FOLH1: variants seen among roughly 807,000 people sequenced by gnomAD.
FOLH1 encodes the protein glutamate carboxypeptidase 2.
Under a neutral mutation model 93.9 loss-of-function variants are expected in FOLH1, and 54 were observed. That is an observed-to-expected ratio of 0.57 (90% confidence interval 0.46 to 0.72). The LOEUF (loss-of-function observed/expected upper bound fraction) is 0.72. FOLH1 is among the 30% of genes least tolerant of loss of function. The probability of loss-of-function intolerance (pLI) is 0.00; values close to 1 mark genes in which losing one functional copy is unlikely to be tolerated. For synonymous variants in FOLH1, 249 were observed against 303.6 expected (o/e 0.82, Z 1.87); for missense variants, 571 against 892.5 (o/e 0.64, Z 4.59).
chr11:49,167,290 C>A (rs1476811788), intron 12 of FOLH1, among the ~76,000 whole-genome samples: 1 of 152,022 alleles, frequency 6.6e-6, no homozygotes, highest in Admixed American at 6.6e-5. Flanking sequence ...CTTACAGGAG[C>A]CTTTGAGATA....
intron 6 of FOLH1, among the ~76,000 whole-genome samples, chr11:49,184,356 AC>A (rs1861135503): frequency 6.6e-6 from 1 of 152,180 alleles, no homozygotes; most frequent in African/African-American, 2.4e-5. Context: ...AATTCAATAA[AC>A]ATTAGCCCCA....
chr11:49,195,158 T>C (rs1321278017), intron 3 of FOLH1, among the ~76,000 whole-genome samples: 1 of 152,220 alleles, frequency 6.6e-6, no homozygotes. Context: ...TGAGCACATA[T>C]TAGGTTCCAA....
chr11:49,200,241 T>C lies in FOLH1; in HGVS notation c.411+14A>G. On this transcript the variant is annotated intron_variant, in intron 3 of 18. Coordinates refer to ENST00000256999, the MANE Select transcript of FOLH1 (RefSeq NM_004476.3). Reference sequence around the variant, plus strand: ...GGGGGGAATGTTTCTTTTATTTATTTATTTATTTTTTACCTCATTTCCATC... The same window carrying C: ...GGGGGGAATGTTTCTTTTATTTATTCATTTATTTTTTACCTCATTTCCATC... The C allele has an allele frequency of 2.0e-6, 3 of 1,487,922 alleles. No individual in the cohort carries two copies. Among genetic ancestry groups the C allele is most frequent in the Non-Finnish European group, 2.7e-6 (3 of 1,113,742 alleles). The allele number at this position is 1,487,922 out of a possible 1,614,324, so 92.2% of individuals were successfully genotyped here.
rs1471370973 is a variant in FOLH1 at position 49,146,328 on chromosome 11, C to T, written c.*428G>A. ...CCAAATAGTGTGCTGAGATAGTGATCCTCTCAGCCCAGGCTGGCCAGGTAG... is the reference window on the plus strand; with the variant it reads ...CCAAATAGTGTGCTGAGATAGTGATTCTCTCAGCCCAGGCTGGCCAGGTAG... On this transcript the variant is annotated 3_prime_UTR_variant, in exon 19 of 19. Coordinates refer to ENST00000256999, the MANE Select transcript of FOLH1 (RefSeq NM_004476.3). 6.6e-6 allele frequency among the ~76,000 whole-genome samples: 1 copy of T among 152,124 alleles called. No individual in the cohort carries two copies. The highest frequency in any genetic ancestry group is 1.5e-5 in the Non-Finnish European group (1 of 68,014).
intron 3 of FOLH1, among the ~76,000 whole-genome samples, chr11:49,196,669 C>T (rs189430919): frequency 4.8e-4 from 73 of 152,206 alleles, no homozygotes; most frequent in African/African-American, 1.6e-3. Flanking sequence ...ATCGCATGCT[C>T]ATCTTAAAGA....
At chr11:49,195,310 T>G (rs187739544) in intron 3 of FOLH1, among the ~76,000 whole-genome samples, 3 of 152,242 alleles carry the variant, frequency 2.0e-5, no homozygotes, top group Admixed American at 2.0e-4. Flanking sequence ...TTGTAAATAG[T>G]TGCAGGATCA....
At chr11:49,176,524 T>C (rs1860059593) in intron 7 of FOLH1, among the ~76,000 whole-genome samples, 1 of 152,148 alleles carries the variant, frequency 6.6e-6, no homozygotes, top group Non-Finnish European at 1.5e-5. Context: ...TTTCAGCAGG[T>C]GACTGAGAAA....
intron 3 of FOLH1, among the ~76,000 whole-genome samples, chr11:49,194,239 A>T (rs1372131924): frequency 4.6e-5 from 7 of 152,106 alleles, no homozygotes; most frequent in Non-Finnish European, 7.3e-5. Flanking sequence ...AAAGCAGGAA[A>T]AAAGGGTTCC....
In FOLH1 at chr11:49,160,593, C is replaced by T. The variant is rs187115718; in HGVS notation, c.1441-2550G>A. On this transcript the variant is annotated intron_variant, in intron 13 of 18. Coordinates refer to ENST00000256999, the MANE Select transcript of FOLH1 (RefSeq NM_004476.3). ...GAATAGCTGGGACTACAGGCACCCG[C>T]CACCACGTCTGGCTAATTTTTTGTA... Among the ~76,000 whole-genome samples the T allele has an allele frequency of 4.5e-3, 691 of 152,224 alleles. 8 individuals are homozygous for T. The highest frequency in any genetic ancestry group is 0.016 in the African/African-American group (664 of 41,524).
chr11:49,197,400 G>T (rs749679859), intron 3 of FOLH1, among the ~76,000 whole-genome samples: 11 of 152,032 alleles, frequency 7.2e-5, no homozygotes, highest in Non-Finnish European at 1.6e-4. Context: ...AAAATGCACT[G>T]GTAGCCTCAA....
chr11:49,154,637 G>A, intron 15 of FOLH1, 145 bp from the exon 16 acceptor site: 1 of 1,445,628 alleles, frequency 6.9e-7, no homozygotes, highest in South Asian at 1.5e-5. Context: ...CATCCTAAAT[G>A]GCTAATATTA....
chr11:49,187,407 T>A (rs965251754), intron 4 of FOLH1, among the ~76,000 whole-genome samples: 17 of 152,138 alleles, frequency 1.1e-4, no homozygotes, highest in African/African-American at 3.9e-4. Flanking sequence ...AATTTAAAAT[T>A]TTTTATCATA....
intron 12 of FOLH1, among the ~76,000 whole-genome samples, chr11:49,166,916 C>T (rs936756379): frequency 6.6e-6 from 1 of 151,894 alleles, no homozygotes; most frequent in African/African-American, 2.4e-5. Flanking sequence ...AAGTATGGTG[C>T]CACACACCTG....
intron 17 of FOLH1, among the ~76,000 whole-genome samples, chr11:49,152,625 A>G (rs1565128537): frequency 6.6e-6 from 1 of 152,174 alleles, no homozygotes; most frequent in Non-Finnish European, 1.5e-5. Flanking sequence ...CGATATTTTC[A>G]GCTGGTTCTT....
intron 17 of FOLH1, among the ~76,000 whole-genome samples, chr11:49,152,449 T>C (rs1377650777): frequency 2.0e-5 from 3 of 152,158 alleles, no homozygotes; most frequent in Non-Finnish European, 4.4e-5. Flanking sequence ...GCTACAGCAA[T>C]GGGCAAACCA....
intron 3 of FOLH1, among the ~76,000 whole-genome samples, chr11:49,194,811 T>TA (rs1862451631): frequency 6.6e-6 from 1 of 151,862 alleles, no homozygotes; most frequent in South Asian, 2.1e-4. Flanking sequence ...TATGACGAGA[T>TA]AAAAAAGGCT....
At chr11:49,193,630 A>C (rs1862300712) in intron 3 of FOLH1, among the ~76,000 whole-genome samples, 1 of 152,182 alleles carries the variant, frequency 6.6e-6, no homozygotes, top group South Asian at 2.1e-4. Context: ...AAAACACTGA[A>C]CCAAATATAT....
intron 7 of FOLH1, among the ~76,000 whole-genome samples, chr11:49,177,618 A>G (rs1860208801): frequency 1.3e-5 from 2 of 152,064 alleles, no homozygotes; most frequent in Non-Finnish European, 2.9e-5. Flanking sequence ...GCAAGCTGAA[A>G]GTGCGGGAGA....
intron 3 of FOLH1, among the ~76,000 whole-genome samples, chr11:49,194,769 A>T (rs1862446417): frequency 6.6e-6 from 1 of 152,020 alleles, no homozygotes; most frequent in Non-Finnish European, 1.5e-5. Context: ...AATATTAATT[A>T]AAAAAAATTT....
Sources: allele counts gnomAD v4.1 joint callset (sites outside exome capture counted in the v4.1 genomes callset), GRCh38; gene constraint gnomAD v4.1.1; transcripts MANE v1.5; gene names NCBI Gene and HGNC (gene_info 2026-07-23, HGNC 2026-07-21).